DPPA4: variants seen among roughly 807,000 people sequenced by gnomAD.
The protein encoded by DPPA4 is developmental pluripotency-associated protein 4.
A neutral mutation model predicts 33.7 loss-of-function variants in DPPA4; 22 were observed. The observed-to-expected ratio is 0.65, with a 90% CI of 0.47 to 0.93. The LOEUF (loss-of-function observed/expected upper bound fraction) is 0.93. Among genes scored for constraint, DPPA4 ranks in the 40% least tolerant of loss-of-function variants. DPPA4 has a pLI of 0.00. For missense variants in DPPA4, 340 were observed against 358.6 expected (o/e 0.95, Z 0.42); for synonymous variants, 156 against 132.3 (o/e 1.18, Z -1.23).
In DPPA4 at chr3:109,334,594, T is replaced by A. The variant is rs375700198; in HGVS notation, c.55-601A>T. ...TTCCATCATCTCTCACCTGGCAGAA[T>A]TTTTTCCCCCAGTCCTTCATTCTTG... On this transcript the variant is annotated intron_variant, in intron 1 of 6. Coordinates refer to ENST00000335658, the MANE Select transcript of DPPA4 (RefSeq NM_018189.4). Among the ~76,000 whole-genome samples the A allele has an allele frequency of 1.7e-4, 26 of 152,174 alleles. No homozygotes were observed. The East Asian group carries it at 3.3e-3, about 19-fold the overall frequency.
rs777175856 is a variant in DPPA4 at position 109,330,679 on chromosome 3, T to TC, written c.523dup (p.Glu175GlyfsTer13). On this transcript the variant is annotated frameshift_variant, in exon 5 of 7. Coordinates refer to ENST00000335658, the MANE Select transcript of DPPA4 (RefSeq NM_018189.4). LOFTEE classifies it high-confidence loss of function. ...AGTGGAATTTTCCAGGGCAGGCGGC[T>TC]CCCCCACAGGAGGAAGAGCCACTTC... 1.2e-6 allele frequency: 2 copies of TC among 1,614,040 alleles called. No homozygotes were observed. Among genetic ancestry groups the TC allele is most frequent in the African/African-American group, 2.7e-5 (2 of 75,000 alleles).
rs767068078 is a variant in DPPA4, at chr3:109,329,010, C to T, written c.758G>A (p.Gly253Asp). The change falls in exon 6 of 7, where the codon GGT becomes GAT. Residue 253 changes from glycine to aspartate, a missense_variant. By Grantham distance (94) the Gly-to-Asp change is moderately conservative. Around this residue, in one of 3 missense-constraint regions of DPPA4, gnomAD observed 212 missense variants for 206.5 expected, o/e 1.03. Coordinates refer to ENST00000335658, the MANE Select transcript of DPPA4 (RefSeq NM_018189.4). The stretch of plus-strand genomic sequence containing the variant: ...TTGCTTTTCTGGAACCCAGGCTTGA[C>T]CAGCATGAAACTGCAGGTGAACCCA... ...DGWVHLQFHA[G>D]QAWVPEKQEG... 6.2e-7 allele frequency: 1 copy of T among 1,614,038 alleles called. No individual in the cohort carries two copies. The highest frequency in any genetic ancestry group is 8.5e-7 in the Non-Finnish European group (1 of 1,180,032).
Position 109,331,897 on chromosome 3 carries a change from G to A in DPPA4, c.313C>T (p.Gln105Ter). 3 of 1,614,120 alleles carry A rather than the reference G, an allele frequency of 1.9e-6. No homozygotes were observed. Among genetic ancestry groups the A allele is most frequent in the Non-Finnish European group, 2.5e-6 (3 of 1,180,034 alleles). The change falls in exon 3 of 7, where the codon CAA (glutamine) becomes TAA (stop). Residue 105 changes from glutamine (Q) to a stop codon, truncating the protein, a stop_gained. Coordinates refer to ENST00000335658, the MANE Select transcript of DPPA4 (RefSeq NM_018189.4). LOFTEE classifies it high-confidence loss of function. ...HRDILRAWCQQLKLSSKGQKL... is the reference protein window; with the variant it reads ...HRDILRAWCQ ...TGGCCTTTGGAGCTCAGCTTCAATTGTTGGCACCAGGCCCGCAGAATGTCC... is the reference window on the plus strand; with the variant it reads ...TGGCCTTTGGAGCTCAGCTTCAATTATTGGCACCAGGCCCGCAGAATGTCC...
chr3:109,334,049 CTACCTGCCTCAAGA>C, intron 1 of DPPA4, 56 bp from the exon 2 acceptor site: 1 of 1,595,218 alleles, frequency 6.3e-7, no homozygotes, highest in Non-Finnish European at 8.5e-7. Context: ...CACACATACA[CTACCTGCCTCAAGA>C]TAACTCACTT....
intron 1 of DPPA4, among the ~76,000 whole-genome samples, chr3:109,336,929 C>T (rs1338375279): frequency 6.6e-6 from 1 of 152,152 alleles, no homozygotes; most frequent in African/African-American, 2.4e-5. Context: ...GGTGGAGTTT[C>T]GCTCTGGTTG....
In DPPA4 at chr3:109,337,462, ACCT is replaced by A; in HGVS notation, c.53_54+1del. The A allele has an allele frequency of 6.2e-7, 1 of 1,613,422 alleles. No individual in the cohort carries two copies. ...AAACAAATCCACTAAAACTGTACTG[ACCT>A]CCTTGCCTTTTGCCTTCTCCATACT... On this transcript the variant is annotated splice_donor_variant and coding_sequence_variant, in exon 1 of 7. Coordinates refer to ENST00000335658, the MANE Select transcript of DPPA4 (RefSeq NM_018189.4). LOFTEE classifies it high-confidence loss of function.
chr3:109,337,345 G>T, intron 1 of DPPA4, 119 bp downstream of exon 1: 3 of 820,904 alleles, frequency 3.7e-6, no homozygotes, highest in South Asian at 1.6e-5. Context: ...AAAAAAAAAA[G>T]TCAAGAGGAG....
At position 109,329,084 on chromosome 3, in the gene DPPA4, G is replaced by A. The variant is rs1252285918; in HGVS notation, c.684C>T (p.Val228=). The A allele has an allele frequency of 1.4e-5, 23 of 1,613,836 alleles. No individual in the cohort carries two copies. Among genetic ancestry groups the A allele is most frequent in the Non-Finnish European group, 1.9e-5 (23 of 1,179,990 alleles). The change falls in exon 6 of 7, where the codon GTC becomes GTT. Residue 228 remains valine (V), a synonymous_variant. Transcript: ENST00000335658. ...AVESPQEASG[V]RWCVVHGKSL... ...TTTTCCCATGGACCACACACCACCT[G>A]ACACCTGGCAATGGCAAAGGAAAGA... is the stretch of plus-strand genomic sequence containing the variant.
intron 4 of DPPA4, among the ~76,000 whole-genome samples, 183 bp downstream of exon 4, chr3:109,331,543 CAAAAAAAA>C (rs62827961): frequency 1.3e-4 from 9 of 71,472 alleles, no homozygotes; most frequent in Admixed American, 8.5e-4. Context: ...GACTCTGTCT[CAAAAAAAA>C]AAAAAAAAAA....
rs187942293 is a variant in DPPA4 at position 109,332,849 on chromosome 3, T to C, written c.179-818A>G. On this transcript the variant is annotated intron_variant, in intron 2 of 6. Transcript: ENST00000335658. ...GGCTCACACTGTAATCCCAGCACTT[T>C]GGGAGGCCGAGGTGGGTGGATAACC... 4.0e-3 allele frequency among the ~76,000 whole-genome samples: 603 copies of C among 152,296 alleles called. 12 individuals carry two copies. The highest frequency in any genetic ancestry group is 2.8e-3 in the Non-Finnish European group (191 of 68,022).
chr3:109,337,444 T>C lies in DPPA4; in HGVS notation c.54+20A>G, dbSNP rs745512190. 1.2e-6 allele frequency: 2 copies of C among 1,611,216 alleles called. No homozygotes were observed. The highest frequency in any genetic ancestry group is 1.7e-6 in the Non-Finnish European group (2 of 1,177,814). ...AACACAAAGACAGACAGAAAACAAA[T>C]CCACTAAAACTGTACTGACCTCCTT... On this transcript the variant is annotated intron_variant, in intron 1 of 6. Coordinates refer to ENST00000335658, the MANE Select transcript of DPPA4 (RefSeq NM_018189.4).
upstream of DPPA4, among the ~76,000 whole-genome samples, chr3:109,339,157 C>T (rs1708266030): frequency 6.6e-6 from 1 of 151,900 alleles, no homozygotes; most frequent in South Asian, 2.1e-4. Flanking sequence ...TGCCATTGCA[C>T]TCCAGCCTGG....
In DPPA4 at chr3:109,334,013, G is replaced by C. The variant is rs1708141341; in HGVS notation, c.55-20C>G. On this transcript the variant is annotated intron_variant, in intron 1 of 6. Coordinates refer to ENST00000335658, the MANE Select transcript of DPPA4 (RefSeq NM_018189.4). The stretch of plus-strand genomic sequence containing the variant: ...GGTCCACTGGGGAACAGAGGAGCTG[G>C]TCAGTCATTCCTCTAGTGTCCAAAC... The C allele has an allele frequency of 6.2e-7, 1 of 1,613,228 alleles. No homozygotes were observed. The highest frequency in any genetic ancestry group is 1.3e-5 in the African/African-American group (1 of 74,876).
chr3:109,328,966 G>A lies in DPPA4; in HGVS notation c.802C>T (p.Leu268Phe), dbSNP rs769987609. 6.2e-7 allele frequency: 1 copy of A among 1,613,982 alleles called. No homozygotes were observed. The highest frequency in any genetic ancestry group is 8.5e-7 in the Non-Finnish European group (1 of 1,179,940). ...AAATTGGAGGCAGGAAGCAAGAAGA[G>A]TGCACTCACTCTCCCTTCTTGCTTT... ...PEKQEGRVSA[L>F]FLLPASNFPP... Residue 268 changes from leucine to phenylalanine, a missense_variant, in exon 6 of 7, where the codon CTC becomes TTC. This residue lies in a region of DPPA4 where 212 missense variants were observed against 206.5 expected (regional missense o/e 1.03). Coordinates refer to ENST00000335658, the MANE Select transcript of DPPA4 (RefSeq NM_018189.4).
rs1231336249 is a variant in DPPA4 at position 109,331,793 on chromosome 3, A to T, written c.340-9T>A. 4 of 1,613,614 alleles carry T rather than the reference A, an allele frequency of 2.5e-6. No homozygotes were observed. The East Asian group carries it at 8.9e-5, about 36-fold the overall frequency. On this transcript the variant is annotated splice_polypyrimidine_tract_variant and intron_variant, in intron 3 of 6. Coordinates refer to ENST00000335658, the MANE Select transcript of DPPA4 (RefSeq NM_018189.4). ...TTATATGCATCCAATTTCTAAGACA[A>T]TAGAAAACTGAGTTAGTAAGGCAAA...
intron 4 of DPPA4, among the ~76,000 whole-genome samples, chr3:109,331,260 CAAAAAAAAAA>C (rs10593582): frequency 3.1e-4 from 18 of 58,408 alleles, no homozygotes; most frequent in African/African-American, 1.1e-3. Flanking sequence ...GACTCTGTCT[CAAAAAAAAAA>C]AAAAAAAAAA....
At chr3:109,339,086 G>C (rs1384649980), upstream of DPPA4, among the ~76,000 whole-genome samples, 4 of 149,986 alleles carry the variant, frequency 2.7e-5, no homozygotes, top group South Asian at 2.1e-4. Context: ...AGCTACCAAG[G>C]AGGTTGAGGC....
upstream of DPPA4, chr3:109,337,632 G>A: frequency 2.3e-6 from 2 of 864,188 alleles, no homozygotes; most frequent in South Asian, 2.8e-5. Flanking sequence ...CTCCCCTTCT[G>A]TTCCCTCCCC....
chr3:109,328,940 A>C lies in DPPA4; in HGVS notation c.828T>G (p.Phe276Leu). The part of the protein sequence containing the change: ...SALFLLPASN[F>L]PPPHLEDNML... ...TATTGTCTTCAAGGTGCGGGGGTGGAAAATTGGAGGCAGGAAGCAAGAAGA... is the reference window on the plus strand; with the variant it reads ...TATTGTCTTCAAGGTGCGGGGGTGGCAAATTGGAGGCAGGAAGCAAGAAGA... The change falls in exon 6 of 7, where the codon TTT (phenylalanine) becomes TTG (leucine). Residue 276 changes from phenylalanine (F) to leucine (L), a missense_variant. Transcript: ENST00000335658. 6.2e-7 allele frequency: 1 copy of C among 1,614,078 alleles called. No individual in the cohort carries two copies. Among genetic ancestry groups the C allele is most frequent in the South Asian group, 1.1e-5 (1 of 91,080 alleles).
Sources: allele counts gnomAD v4.1 joint callset (sites outside exome capture counted in the v4.1 genomes callset), GRCh38; gene constraint gnomAD v4.1.1; regional missense constraint gnomAD v4.1.1; transcripts MANE v1.5; gene names NCBI Gene and HGNC (gene_info 2026-07-23, HGNC 2026-07-21).